The following SLC24A4 variants were observed in gnomAD, a reference collection of about 807,000 sequenced individuals.
The protein encoded by SLC24A4 is sodium/potassium/calcium exchanger 4.
Under a neutral mutation model 79.0 loss-of-function variants are expected in SLC24A4, and 53 were observed. The observed-to-expected ratio is 0.67, with a 90% CI of 0.54 to 0.84. The LOEUF is 0.84. SLC24A4 is among the 40% of genes least tolerant of loss of function. The probability of loss-of-function intolerance (pLI) is 0.00; values close to 1 mark genes in which losing one functional copy is unlikely to be tolerated. For missense variants in SLC24A4, 731 were observed against 822.0 expected (o/e 0.89, Z 1.35); for synonymous variants, 323 against 323.8 (o/e 1.00, Z 0.03).
intron 2 of SLC24A4, among the ~76,000 whole-genome samples, chr14:92,368,114 G>A (rs1887953739): frequency 6.6e-6 from 1 of 152,176 alleles, no homozygotes; most frequent in Admixed American, 6.5e-5. Flanking sequence ...AGATTCCTAC[G>A]TTTGATACAA....
rs1407486738 is a variant in SLC24A4, at chr14:92,491,719, T to C, written c.1592T>C (p.Leu531Pro). The change falls in exon 15 of 17, where the codon CTG becomes CCG. Residue 531 changes from leucine (L) to proline (P), a missense_variant. Physicochemically the swap from Leu to Pro is moderately conservative, Grantham distance 98. Coordinates refer to ENST00000532405, the MANE Select transcript of SLC24A4 (RefSeq NM_153646.4). ...NTIGSNVFDI[L>P]VGLGVPWGLQ... ...ATAGGAAGCAACGTGTTTGACATCC[T>C]GGTAGGACTTGGTGTACCGTGGGGC... 6.2e-7 allele frequency: 1 copy of C among 1,613,900 alleles called. No homozygotes were observed. Among genetic ancestry groups the C allele is most frequent in the African/African-American group, 1.3e-5 (1 of 74,906 alleles).
At chr14:92,418,733 A>T (rs910399256) in intron 2 of SLC24A4, among the ~76,000 whole-genome samples, 2 of 151,780 alleles carry the variant, frequency 1.3e-5, no homozygotes, top group African/African-American at 4.8e-5. Context: ...ACAGAGTCTC[A>T]CTCTATCCCC....
chr14:92,380,734 G>T (rs920241994), intron 2 of SLC24A4, among the ~76,000 whole-genome samples: 1 of 152,168 alleles, frequency 6.6e-6, no homozygotes, highest in Non-Finnish European at 1.5e-5. Flanking sequence ...TGCAAGCAAG[G>T]GCTGTTCCTC....
intron 2 of SLC24A4, among the ~76,000 whole-genome samples, chr14:92,328,306 G>C (rs1885265256): frequency 6.6e-6 from 1 of 152,228 alleles, no homozygotes; most frequent in African/African-American, 2.4e-5. Flanking sequence ...TAAGATGCAA[G>C]CCGCTGTCAT....
In SLC24A4 at chr14:92,325,953, G is replaced by A; in HGVS notation, c.216G>A (p.Gln72=). 1 of 1,612,010 alleles carries A rather than the reference G, an allele frequency of 6.2e-7. No homozygotes were observed. The highest frequency in any genetic ancestry group is 8.5e-7 in the Non-Finnish European group (1 of 1,178,654). ...RKLMAPVNGT[Q]TAKNCTDPAI... Reference sequence around the variant, plus strand: ...TGATGGCCCCAGTGAATGGGACACAGACAGCCAAGAACTGCACAGATCCTG... The same window carrying A: ...TGATGGCCCCAGTGAATGGGACACAAACAGCCAAGAACTGCACAGATCCTG... Residue 72 remains glutamine, a synonymous_variant, in exon 2 of 17, where the codon CAG becomes CAA. Coordinates refer to ENST00000532405, the MANE Select transcript of SLC24A4 (RefSeq NM_153646.4).
chr14:92,446,966 C>G (rs1892830316), intron 8 of SLC24A4, among the ~76,000 whole-genome samples: 1 of 152,238 alleles, frequency 6.6e-6, no homozygotes, highest in Non-Finnish European at 1.5e-5. Context: ...CTCCCACACC[C>G]ACAGCTTCTC....
intron 5 of SLC24A4, among the ~76,000 whole-genome samples, 197 bp downstream of exon 5, chr14:92,442,370 T>C (rs1257430163): frequency 1.3e-5 from 2 of 152,190 alleles, no homozygotes; most frequent in African/African-American, 4.8e-5. Context: ...AAATGTTCTT[T>C]TTAAGGTGAT....
chr14:92,442,657 AG>A, intron 5 of SLC24A4, 55 bp from the exon 6 acceptor site: 3 of 1,249,868 alleles, frequency 2.4e-6, no homozygotes, highest in Non-Finnish European at 3.5e-6. Flanking sequence ...ACACTGAGGA[AG>A]GGGCAGGCTG....
chr14:92,423,917 CCA>C (rs1891428242), intron 2 of SLC24A4, among the ~76,000 whole-genome samples: 1 of 152,156 alleles, frequency 6.6e-6, no homozygotes, highest in Admixed American at 6.5e-5. Flanking sequence ...ATTTATTCTC[CCA>C]CAGTTCAGGA....
At chr14:92,451,176 A>G (rs139667430) in intron 10 of SLC24A4, 12 of 152,392 alleles carry the variant, frequency 7.9e-5, no homozygotes, top group African/African-American at 2.9e-4. Context: ...AACAGTCCTC[A>G]GAAAGTGTGG....
chr14:92,404,591 C>G (rs1890276804), intron 2 of SLC24A4, among the ~76,000 whole-genome samples: 1 of 152,226 alleles, frequency 6.6e-6, no homozygotes, highest in African/African-American at 2.4e-5. Flanking sequence ...CTACAGACTT[C>G]TGCATGGATT....
At chr14:92,370,277 A>C (rs542812569) in intron 2 of SLC24A4, among the ~76,000 whole-genome samples, 79 of 152,346 alleles carry the variant, frequency 5.2e-4, no homozygotes, top group African/African-American at 1.9e-3. Flanking sequence ...ATTTAGGAAC[A>C]GGAGATGCCT....
intron 2 of SLC24A4, among the ~76,000 whole-genome samples, chr14:92,395,198 A>G (rs1195640398): frequency 6.6e-6 from 1 of 152,196 alleles, no homozygotes; most frequent in Non-Finnish European, 1.5e-5. Flanking sequence ...TTTTACATCC[A>G]GCCTTTCTGC....
At position 92,454,043 on chromosome 14, in the gene SLC24A4, A is replaced by C; in HGVS notation, c.1024A>C (p.Met342Leu). The change falls in exon 11 of 17, where the codon ATG becomes CTG. Residue 342 changes from methionine (M) to leucine (L), a missense_variant. Coordinates refer to ENST00000532405, the MANE Select transcript of SLC24A4 (RefSeq NM_153646.4). ...NKFGPRTRLR[M>L]ASRIIINERQ... is the part of the protein sequence containing the mutation. Reference sequence around the variant, plus strand: ...GTTTGGACCCAGGACCCGACTACGGATGGCCAGCAGGATCATCATTAATGA... The same window carrying C: ...GTTTGGACCCAGGACCCGACTACGGCTGGCCAGCAGGATCATCATTAATGA... 6.2e-7 allele frequency: 1 copy of C among 1,613,282 alleles called. No homozygotes were observed. Among genetic ancestry groups the C allele is most frequent in the Non-Finnish European group, 8.5e-7 (1 of 1,179,592 alleles).
At chr14:92,390,743 C>A (rs978577314) in intron 2 of SLC24A4, among the ~76,000 whole-genome samples, 1 of 152,172 alleles carries the variant, frequency 6.6e-6, no homozygotes, top group Non-Finnish European at 1.5e-5. Flanking sequence ...GCACGGGCAC[C>A]AGGCCTACCA....
chr14:92,420,559 A>G (rs1176450872), intron 2 of SLC24A4, among the ~76,000 whole-genome samples: 1 of 152,232 alleles, frequency 6.6e-6, no homozygotes, highest in African/African-American at 2.4e-5. Context: ...AAGCTTCAAT[A>G]TAAGTACCTA....
At chr14:92,445,928 G>A (rs1301150804) in intron 8 of SLC24A4, among the ~76,000 whole-genome samples, 1 of 152,210 alleles carries the variant, frequency 6.6e-6, no homozygotes, top group Non-Finnish European at 1.5e-5. Flanking sequence ...CAGGCATGGT[G>A]GCTCACACCT....
Position 92,490,084 on chromosome 14 carries a change from G to A in SLC24A4, c.1538-1581G>A, listed in dbSNP as rs1045612585. On this transcript the variant is annotated intron_variant, in intron 14 of 16. Transcript: ENST00000532405. This position sits in a 1 kb window ranked among gnomAD's most constrained non-coding sequence, Gnocchi z 4.3. ...AGCAACAAGCAGGGGAGGAGGAGGT[G>A]ACCTAGCTATGCAACATGGGCGGGC... Among the ~76,000 whole-genome samples the A allele has an allele frequency of 1.3e-5, 2 of 152,178 alleles. No homozygotes were observed. The highest frequency in any genetic ancestry group is 4.8e-5 in the African/African-American group (2 of 41,444).
intron 2 of SLC24A4, among the ~76,000 whole-genome samples, chr14:92,382,516 G>A (rs1272600561): frequency 6.6e-6 from 1 of 152,172 alleles, no homozygotes; most frequent in Non-Finnish European, 1.5e-5. Context: ...GATCTTTTTA[G>A]TACTAACAAA....
Sources: allele counts gnomAD v4.1 joint callset (sites outside exome capture counted in the v4.1 genomes callset), GRCh38; gene constraint gnomAD v4.1.1; non-coding constraint Gnocchi (gnomAD v3.1); transcripts MANE v1.5; gene names NCBI Gene and HGNC (gene_info 2026-07-23, HGNC 2026-07-21).